The following GRAMD4 variants were observed in gnomAD, a reference collection of about 807,000 sequenced individuals.
GRAMD4 encodes GRAM domain containing 4.
Under a neutral mutation model 83.9 loss-of-function variants are expected in GRAMD4, and 25 were observed. The ratio of observed to expected loss-of-function variants is 0.30; its 90% CI spans 0.22 to 0.42. The LOEUF is 0.42. Ranked by LOEUF, GRAMD4 falls within the 10% of genes least tolerant of loss-of-function variation. GRAMD4 has a pLI of 1.00. For missense variants in GRAMD4, 593 were observed against 788.7 expected (o/e 0.75, Z 2.97); for synonymous variants, 336 against 320.9 (o/e 1.05, Z -0.50).
At position 46,633,275 on chromosome 22, in the gene GRAMD4, G is replaced by A. The variant is rs567015633; in HGVS notation, c.163-4565G>A. On this transcript the variant is annotated intron_variant, in intron 2 of 18. Transcript: ENST00000406902. ...CCTGACCCCAGTGCCAGCATTGTCTGTCCTTGTCACAGGTGGGTACTGTTC... is the reference window on the plus strand; with the variant it reads ...CCTGACCCCAGTGCCAGCATTGTCTATCCTTGTCACAGGTGGGTACTGTTC... 2.6e-5 allele frequency among the ~76,000 whole-genome samples: 4 copies of A among 152,372 alleles called. No individual in the cohort carries two copies. The East Asian group carries it at 5.8e-4, about 22-fold the overall frequency.
At chr22:46,596,433 G>A (rs1465911954) in intron 1 of GRAMD4, among the ~76,000 whole-genome samples, 1 of 152,254 alleles carries the variant, frequency 6.6e-6, no homozygotes, top group Non-Finnish European at 1.5e-5. Context: ...GTGGGTGCTG[G>A]TGCCTCCTGG....
intron 13 of GRAMD4, among the ~76,000 whole-genome samples, chr22:46,669,905 GTTTCT>G (rs1018647078): frequency 6.6e-6 from 1 of 152,146 alleles, no homozygotes; most frequent in Non-Finnish European, 1.5e-5. Context: ...GTCTTGTCTT[GTTTCT>G]TTTCTTTTCT....
At chr22:46,648,250 A>G (rs747121273) in intron 3 of GRAMD4, among the ~76,000 whole-genome samples, 6 of 151,344 alleles carry the variant, frequency 4.0e-5, no homozygotes, top group African/African-American at 9.7e-5. Context: ...AGGCAAACGA[A>G]TAGGTAGATT....
In GRAMD4 at chr22:46,672,992, C is replaced by T. The variant is rs1196918434; in HGVS notation, c.1234C>T (p.Arg412Cys). The T allele has an allele frequency of 5.0e-6, 8 of 1,596,040 alleles. No homozygotes were observed. Among genetic ancestry groups the T allele is most frequent in the East Asian group, 2.3e-5 (1 of 44,380 alleles). ...GGAGCGCTCCAGCGCCGCAGTCTCA[C>T]GCAGGGTGAGCCCGGCCCCCAGCTG... ...LKERSSAAVSRRLQTTSSRSY... is the reference protein window; with the variant it reads ...LKERSSAAVSCRLQTTSSRSY... Residue 412 changes from arginine (R) to cysteine (C), a missense_variant, in exon 14 of 19, where the codon CGC (arginine) becomes TGC (cysteine). Around this residue, in one of 4 missense-constraint regions of GRAMD4, gnomAD observed 171 missense variants for 199.6 expected, o/e 0.86. Coordinates refer to ENST00000406902, the MANE Select transcript of GRAMD4 (RefSeq NM_015124.5). This position sits in a 1 kb window ranked among gnomAD's most constrained non-coding sequence, Gnocchi z 4.7.
rs368501460 is a variant in GRAMD4 at position 46,672,808 on chromosome 22, C to T, written c.1085-35C>T. ...TGAGTAGACTGGCATAGCTGCAGAG[C>T]TCTAGATGGAGCAGGCTGTGTCCCC... On this transcript the variant is annotated intron_variant, in intron 13 of 18. Coordinates refer to ENST00000406902, the MANE Select transcript of GRAMD4 (RefSeq NM_015124.5). This position sits in a 1 kb window ranked among gnomAD's most constrained non-coding sequence, Gnocchi z 4.7. 17 of 1,574,100 alleles carry T rather than the reference C, an allele frequency of 1.1e-5. No homozygotes were observed. The highest frequency in any genetic ancestry group is 1.5e-5 in the Non-Finnish European group (17 of 1,149,342).
chr22:46,665,353 A>G (rs2082391885), intron 8 of GRAMD4, among the ~76,000 whole-genome samples: 2 of 152,208 alleles, frequency 1.3e-5, no homozygotes, highest in African/African-American at 4.8e-5. Context: ...CAGGACCCGC[A>G]TGTGGAACCA....
At chr22:46,664,327 C>T (rs1224247096) in intron 8 of GRAMD4, among the ~76,000 whole-genome samples, 6 of 152,216 alleles carry the variant, frequency 3.9e-5, no homozygotes, top group South Asian at 4.1e-4. Context: ...AGATGTTGGG[C>T]GTGGCCCGGG....
chr22:46,676,659 C>T lies in GRAMD4; in HGVS notation c.1623C>T (p.Ser541=). 6.5e-7 allele frequency: 1 copy of T among 1,548,664 alleles called. No homozygotes were observed. Among genetic ancestry groups the T allele is most frequent in the Non-Finnish European group, 8.7e-7 (1 of 1,146,930 alleles). ...TGGGGATTGCCGTGTCGACGCCATC[C>T]ACCCAGAAAGTAGGTGCCGGGCGGG... ...SGMGIAVSTP[S]TQKPLVFGAM... The change falls in exon 18 of 19, where the codon TCC becomes TCT. Residue 541 remains serine (S), a synonymous_variant. Coordinates refer to ENST00000406902, the MANE Select transcript of GRAMD4 (RefSeq NM_015124.5).
chr22:46,601,168 A>G (rs1326137898), intron 1 of GRAMD4, among the ~76,000 whole-genome samples: 2 of 151,978 alleles, frequency 1.3e-5, no homozygotes, highest in African/African-American at 4.8e-5. Flanking sequence ...TCACTACTTA[A>G]AAAAAGAATT....
Position 46,675,452 on chromosome 22 carries a change from T to A in GRAMD4, c.1479-16T>A. 6.3e-7 allele frequency: 1 copy of A among 1,595,354 alleles called. No homozygotes were observed. The highest frequency in any genetic ancestry group is 8.6e-7 in the Non-Finnish European group (1 of 1,163,386). ...GTTCAAGAGCCAGGCGACGCCTCTG[T>A]CCGTTCCCCTTCCAGTTACTTGTGC... On this transcript the variant is annotated splice_polypyrimidine_tract_variant and intron_variant, in intron 16 of 18. Transcript: ENST00000406902.
At chr22:46,680,588 AT>A (rs1569313438), downstream of GRAMD4, among the ~76,000 whole-genome samples, 188 of 138,188 alleles carry the variant, frequency 1.4e-3, 1 homozygote, top group African/African-American at 2.7e-3. Context: ...CCATCCATCC[AT>A]CCATCCACCC....
At chr22:46,654,088 G>T (rs904159583) in intron 3 of GRAMD4, among the ~76,000 whole-genome samples, 29 of 148,366 alleles carry the variant, frequency 2.0e-4, no homozygotes, top group African/African-American at 6.1e-4. Context: ...AGTGAGCCTT[G>T]ATTAAGCCCC....
chr22:46,588,002 G>A lies in GRAMD4; in HGVS notation c.-50+10712G>A, dbSNP rs564413600. 1,411 of 944,746 alleles carry A rather than the reference G, an allele frequency of 1.5e-3. 3 individuals are homozygous for A. Among genetic ancestry groups the A allele is most frequent in the African/African-American group, 2.1e-3 (120 of 56,586 alleles). The allele number at this position is 944,746 out of a possible 1,614,324, so 58.5% of individuals were successfully genotyped here. On this transcript the variant is annotated intron_variant, in intron 1 of 1. Transcript: ENST00000431155. Reference sequence around the variant, plus strand: ...GGGCCTGGTCAGGAGGGGCACAGGCGGGGAGGGAGTGGGTGGTGTCTACTT... The same window carrying A: ...GGGCCTGGTCAGGAGGGGCACAGGCAGGGAGGGAGTGGGTGGTGTCTACTT...
At chr22:46,600,378 C>T (rs117789874) in intron 1 of GRAMD4, among the ~76,000 whole-genome samples, 3,928 of 152,242 alleles carry the variant, frequency 0.026, 71 homozygotes, top group Non-Finnish European at 0.038. Context: ...GCTTGGGGTG[C>T]TCTGGCTGGG....
intron 13 of GRAMD4, among the ~76,000 whole-genome samples, 179 bp downstream of exon 13, chr22:46,669,087 C>T (rs1003175014): frequency 2.0e-5 from 3 of 152,040 alleles, no homozygotes; most frequent in Non-Finnish European, 4.4e-5. Flanking sequence ...TCGAGGGACA[C>T]GGTGATTGTT....
chr22:46,641,040 CG>C (rs2081968310), intron 3 of GRAMD4, among the ~76,000 whole-genome samples: 1 of 152,128 alleles, frequency 6.6e-6, no homozygotes, highest in Non-Finnish European at 1.5e-5. Context: ...CACTCCAGCC[CG>C]GATGACAGAG....
chr22:46,582,879 A>G (rs5768984), intron 1 of GRAMD4, among the ~76,000 whole-genome samples: 70,824 of 151,982 alleles, frequency 0.47, 17,410 homozygotes, highest in East Asian at 0.91. Flanking sequence ...TAGACACTTT[A>G]GGCACTCCCT....
chr22:46,582,842 G>A (rs1487803643), intron 1 of GRAMD4, among the ~76,000 whole-genome samples: 6 of 152,188 alleles, frequency 3.9e-5, no homozygotes, highest in African/African-American at 1.2e-4. Context: ...CACCACAATC[G>A]AAACCCAAAC....
chr22:46,593,297 A>G (rs2147015866), intron 1 of GRAMD4, among the ~76,000 whole-genome samples: 1 of 152,164 alleles, frequency 6.6e-6, no homozygotes, highest in Middle Eastern at 3.4e-3. Context: ...CACATCAAGC[A>G]GAAGCTTCCT....
Sources: allele counts gnomAD v4.1 joint callset (sites outside exome capture counted in the v4.1 genomes callset), GRCh38; gene constraint gnomAD v4.1.1; regional missense constraint gnomAD v4.1.1; non-coding constraint Gnocchi (gnomAD v3.1); transcripts MANE v1.5; gene names NCBI Gene and HGNC (gene_info 2026-07-23, HGNC 2026-07-21).